ABHD18: variants seen among roughly 807,000 people sequenced by gnomAD.
The protein encoded by ABHD18 is abhydrolase domain containing 18.
Under a neutral mutation model 65.9 loss-of-function variants are expected in ABHD18, and 55 were observed. The observed-to-expected ratio is 0.84, with a 90% CI of 0.67 to 1.05. The LOEUF (loss-of-function observed/expected upper bound fraction) is 1.05. ABHD18 is among the 50% of genes least tolerant of loss of function. The pLI is 0.00. For missense variants in ABHD18, 533 were observed against 558.5 expected, an observed-to-expected ratio of 0.95 and a Z score of 0.46; for synonymous variants, 181 against 180.2, an observed-to-expected ratio of 1.00 and a Z score of -0.04.
At chr4:128,001,750 C>A (rs747604984) in intron 4 of ABHD18, 1 of 1,548,084 alleles carries the variant, frequency 6.5e-7, no homozygotes, top group South Asian at 1.2e-5. Context: ...CAACTTGATT[C>A]TTCTACCTTT....
intron 3 of ABHD18, among the ~76,000 whole-genome samples, chr4:127,988,179 G>T (rs966559277): frequency 2.6e-4 from 40 of 152,310 alleles, no homozygotes; most frequent in African/African-American, 9.1e-4. Context: ...TTATTTAATA[G>T]ATGACATTTG....
chr4:128,008,813 A>C (rs768387255), intron 4 of ABHD18, 107 bp from the exon 5 acceptor site: 64 of 727,642 alleles, frequency 8.8e-5, no homozygotes, highest in Non-Finnish European at 1.3e-4. Flanking sequence ...ATTTCGACTG[A>C]TCTTTTCTGT....
chr4:127,971,561 G>A (rs1746806708), intron 1 of ABHD18, among the ~76,000 whole-genome samples: 1 of 130,356 alleles, frequency 7.7e-6, no homozygotes, highest in Admixed American at 1.0e-4. Flanking sequence ...TGTGATCCTG[G>A]CTTACTGCAA....
chr4:128,002,680 G>C (rs904210027), intron 4 of ABHD18, among the ~76,000 whole-genome samples: 1 of 152,028 alleles, frequency 6.6e-6, no homozygotes, highest in African/African-American at 2.4e-5. Flanking sequence ...GTCTCGCTCT[G>C]TCACCCACGC....
rs780155020 is a variant in ABHD18, at chr4:127,982,997, C to T, written c.42C>T (p.Leu14=). 2.6e-6 allele frequency: 4 copies of T among 1,565,668 alleles called. No homozygotes were observed. The East Asian group carries it at 7.0e-5, about 27-fold the overall frequency. Reference sequence around the variant, plus strand: ...TAGATATTCTATACCGGAGACTTCTCCTAACAAAACTTTTTATCAGAGGAT... The same window carrying T: ...TAGATATTCTATACCGGAGACTTCTTCTAACAAAACTTTTTATCAGAGGAT... ...SKLDILYRRL[L]LTKLFIRGWG... is the part of the protein sequence containing the mutation. Residue 14 remains leucine (L), a synonymous_variant, in exon 2 of 13, where the codon CTC becomes CTT. Transcript: ENST00000645843.
intron 10 of ABHD18, among the ~76,000 whole-genome samples, chr4:128,022,165 A>G (rs1756605596): frequency 6.6e-6 from 1 of 152,236 alleles, no homozygotes; most frequent in Admixed American, 6.5e-5. Context: ...CCAACATGGC[A>G]CATGTATACC....
At chr4:127,997,035 C>T (rs928023894) in intron 4 of ABHD18, among the ~76,000 whole-genome samples, 5 of 151,842 alleles carry the variant, frequency 3.3e-5, no homozygotes, top group Admixed American at 6.6e-5. Context: ...ACGAAGATAA[C>T]GTGATTAAGA....
intron 4 of ABHD18, among the ~76,000 whole-genome samples, chr4:128,001,017 T>C (rs750059769): frequency 2.3e-4 from 35 of 152,318 alleles, no homozygotes; most frequent in Non-Finnish European, 3.8e-4. Context: ...AAGTTATTTA[T>C]TAGTTCTAGG....
At chr4:128,001,047 T>C (rs1752555036) in intron 4 of ABHD18, among the ~76,000 whole-genome samples, 1 of 152,184 alleles carries the variant, frequency 6.6e-6, no homozygotes, top group African/African-American at 2.4e-5. Flanking sequence ...GCAGAGTCTG[T>C]GGGGTTTTTG....
intron 4 of ABHD18, among the ~76,000 whole-genome samples, chr4:127,994,479 C>T (rs540071005): frequency 3.9e-5 from 6 of 152,130 alleles, no homozygotes; most frequent in Non-Finnish European, 8.8e-5. Flanking sequence ...CCAAACTACT[C>T]AGGAGGCTGA....
At chr4:128,011,043 A>T (rs1225074806) in intron 6 of ABHD18, among the ~76,000 whole-genome samples, 1 of 152,194 alleles carries the variant, frequency 6.6e-6, no homozygotes, top group East Asian at 1.9e-4. Flanking sequence ...TATGAACGAA[A>T]TAAAAAATAA....
chr4:128,017,225 C>T (rs987483907), intron 7 of ABHD18, 138 bp from the exon 8 acceptor site: 12 of 825,298 alleles, frequency 1.5e-5, no homozygotes, highest in Non-Finnish European at 2.2e-5. Flanking sequence ...GCCCTAATTC[C>T]AATTTATTAC....
At chr4:127,983,787 C>G (rs553490958) in intron 2 of ABHD18, among the ~76,000 whole-genome samples, 24 of 152,260 alleles carry the variant, frequency 1.6e-4, no homozygotes, top group African/African-American at 5.5e-4. Flanking sequence ...ATTGCTTGAA[C>G]CTGGGAGGTG....
rs754432583 is a variant in ABHD18, at chr4:128,008,911, T to C, written c.279-9T>C. On this transcript the variant is annotated splice_polypyrimidine_tract_variant and intron_variant, in intron 4 of 12. Transcript: ENST00000645843. ...AATTTTATTGATAAGTCTATGCTTTTAAAAATAGGTTCCAATTTATTGTGC... is the reference window on the plus strand; with the variant it reads ...AATTTTATTGATAAGTCTATGCTTTCAAAAATAGGTTCCAATTTATTGTGC... 1 of 1,593,656 alleles carries C rather than the reference T, an allele frequency of 6.3e-7. No individual in the cohort carries two copies. The highest frequency in any genetic ancestry group is 2.2e-5 in the East Asian group (1 of 44,586).
intron 4 of ABHD18, among the ~76,000 whole-genome samples, chr4:128,007,960 T>C (rs2149129554): frequency 6.6e-6 from 1 of 152,004 alleles, no homozygotes; most frequent in South Asian, 2.1e-4. Context: ...GTCGGAGCTA[T>C]ATCTAAAGAG....
Position 128,008,896 on chromosome 4 carries a change from A to G in ABHD18, c.279-24A>G, listed in dbSNP as rs537657723. On this transcript the variant is annotated intron_variant, in intron 4 of 12. Transcript: ENST00000645843. The stretch of plus-strand genomic sequence containing the variant: ...AAGTCCTTTAAAGAGAATTTTATTG[A>G]TAAGTCTATGCTTTTAAAAATAGGT... 116 of 1,525,028 alleles carry G rather than the reference A, an allele frequency of 7.6e-5. No individual in the cohort carries two copies. The South Asian group carries it at 1.4e-3, about 18-fold the overall frequency. The allele number at this position is 1,525,028 out of a possible 1,614,324, so 94.5% of individuals were successfully genotyped here. A position where few individuals can be genotyped will look rare whatever the true frequency, so the allele number is the denominator to read the frequency against.
chr4:127,971,637 C>T (rs1416968649), intron 1 of ABHD18, among the ~76,000 whole-genome samples: 1 of 151,576 alleles, frequency 6.6e-6, no homozygotes, highest in African/African-American at 2.4e-5. Context: ...ACTACAGGCA[C>T]CCGCCACCAC....
chr4:127,984,764 G>A (rs1749673193), intron 3 of ABHD18, among the ~76,000 whole-genome samples: 1 of 152,192 alleles, frequency 6.6e-6, no homozygotes, highest in South Asian at 2.1e-4. Context: ...GGAGGCTGAG[G>A]CAGGAGAATC....
In ABHD18 at chr4:128,011,620, C is replaced by T. The variant is rs574748480; in HGVS notation, c.443-53C>T. On this transcript the variant is annotated intron_variant, in intron 6 of 12. Transcript: ENST00000645843. ...TTTAACTATTTAATGTACTCTCAGACAAACAAAATTATTTAATTATTTTAA... is the reference window on the plus strand; with the variant it reads ...TTTAACTATTTAATGTACTCTCAGATAAACAAAATTATTTAATTATTTTAA... 2.1e-6 allele frequency: 3 copies of T among 1,428,846 alleles called. No homozygotes were observed. In the African/African-American group the frequency reaches 4.3e-5, roughly 20 times the overall value. 88.5% of individuals were successfully genotyped at this position (1,428,846 alleles called of 1,614,324 possible).
Sources: allele counts gnomAD v4.1 joint callset (sites outside exome capture counted in the v4.1 genomes callset), GRCh38; gene constraint gnomAD v4.1.1; transcripts MANE v1.5; gene names NCBI Gene and HGNC (gene_info 2026-07-23, HGNC 2026-07-21).